The following TINCR variants were observed in gnomAD, a reference collection of about 807,000 sequenced individuals.
The protein encoded by TINCR is TINCR-encoded ubiquitin-like protein.
downstream of TINCR, chr19:5,561,880 G>A (rs1288202562): frequency 2.6e-5 from 4 of 152,254 alleles, no homozygotes; most frequent in East Asian, 1.9e-4. Flanking sequence ...GGGGCAACAC[G>A]GCTCTGGTCC....
rs2052111647 is a variant in TINCR at position 5,563,453 on chromosome 19, G to C, written c.261-504C>G. Among the ~76,000 whole-genome samples, 1 of 152,204 alleles carries C rather than the reference G, an allele frequency of 6.6e-6. No individual in the cohort carries two copies. The highest frequency in any genetic ancestry group is 2.1e-4 in the South Asian group (1 of 4,834). ...GGGGCTTGGGAGGAAGAGAGGAATA[G>C]ACTGATGTCAATAAAATCAGAATAA... On this transcript the variant is annotated intron_variant, in intron 1 of 1. Transcript: ENST00000646160. The surrounding 1 kb of genome is among the most constrained non-coding windows in gnomAD (Gnocchi z 4.7).
Position 5,563,614 on chromosome 19 carries a change from G to A in TINCR, c.261-665C>T, listed in dbSNP as rs2052112362. Among the ~76,000 whole-genome samples the A allele has an allele frequency of 6.6e-6, 1 of 151,924 alleles. No individual in the cohort carries two copies. The highest frequency in any genetic ancestry group is 2.4e-5 in the African/African-American group (1 of 41,370). On this transcript the variant is annotated intron_variant, in intron 1 of 1. Transcript: ENST00000646160. The surrounding 1 kb of genome is among the most constrained non-coding windows in gnomAD (Gnocchi z 4.7). The stretch of plus-strand genomic sequence containing the variant: ...GCCTCAGCTTCTCCACCTGTAAACC[G>A]CCAATGATAACGGCACCCGGCCAGG...
At chr19:5,559,903 A>G (rs2052092037), downstream of TINCR, 2 of 152,014 alleles carry the variant, frequency 1.3e-5, no homozygotes, top group South Asian at 4.2e-4. Context: ...GTCCCTGACA[A>G]CCTCCTTGGG....
rs1265010909 is a variant in TINCR at position 5,567,606 on chromosome 19, C to CTCTCCAGGGG, written c.260+49_260+58dup. The CTCTCCAGGGG allele has an allele frequency of 3.2e-5, 12 of 373,836 alleles. No homozygotes were observed. In the Middle Eastern group the frequency reaches 2.1e-3, roughly 65 times the overall value. The allele number at this position is 373,836 out of a possible 1,614,324, so 23.2% of individuals were successfully genotyped here. On this transcript the variant is annotated intron_variant, in intron 1 of 1. Transcript: ENST00000646160. ...CCTTGGGCGCCCGCCTCCCCCGCCG[C>CTCTCCAGGGG]TCTCCAGGGGTCCCCGGCCGCCGCC...
At position 5,563,166 on chromosome 19, in the gene TINCR, G is replaced by A. The variant is rs1434362969; in HGVS notation, c.261-217C>T. On this transcript the variant is annotated intron_variant, in intron 1 of 1. Coordinates refer to ENST00000646160, the Ensembl canonical transcript of TINCR. This position sits in a 1 kb window ranked among gnomAD's most constrained non-coding sequence, Gnocchi z 4.7. ...CAGCAGGTCATCCAGGGTCTTGCAA[G>A]CCTCAGGAAGGACTTGGGCTTTGAC... 6.6e-6 allele frequency among the ~76,000 whole-genome samples: 1 copy of A among 152,016 alleles called. No individual in the cohort carries two copies. Among genetic ancestry groups the A allele is most frequent in the East Asian group, 1.9e-4 (1 of 5,132 alleles).
At chr19:5,566,892 T>A in intron 1 of TINCR, among the ~76,000 whole-genome samples, 3 of 136,334 alleles carry the variant, frequency 2.2e-5, no homozygotes, top group Non-Finnish European at 3.2e-5. Flanking sequence ...GAGACAGAGA[T>A]GAGGGAGAAA....
chr19:5,559,774 T>C (rs2052091236), downstream of TINCR: 1 of 152,204 alleles, frequency 6.6e-6, no homozygotes. Flanking sequence ...TCCCTGAATA[T>C]GCACAGGGAA....
rs2052111064 is a variant in TINCR, at chr19:5,563,346, C to T, written c.261-397G>A. Among the ~76,000 whole-genome samples, 1 of 151,888 alleles carries T rather than the reference C, an allele frequency of 6.6e-6. No individual in the cohort carries two copies. On this transcript the variant is annotated intron_variant, in intron 1 of 1. Transcript: ENST00000646160. This position sits in a 1 kb window ranked among gnomAD's most constrained non-coding sequence, Gnocchi z 4.7. ...CGGACCTTGGTGGGGGGCAACTGGG[C>T]TGGGCCAGGGGTTGAGAAGTGGGAG...
In TINCR at chr19:5,567,233, GA is replaced by G. The variant is rs1018889143; in HGVS notation, c.260+431del. Among the ~76,000 whole-genome samples, 80 of 151,768 alleles carry G rather than the reference GA, an allele frequency of 5.3e-4. 1 individual carries two copies. Among genetic ancestry groups the G allele is most frequent in the Admixed American group, 2.4e-3 (36 of 15,224 alleles). On this transcript the variant is annotated intron_variant, in intron 1 of 1. Coordinates refer to ENST00000646160, the Ensembl canonical transcript of TINCR. ...AGAGATGAGAGAGACAAAGATGAAA[GA>G]GACAGAGATAAAAGAGAGACACAGA...
At chr19:5,558,587 C>CCTGT (rs1218930634), downstream of TINCR, 2 of 152,338 alleles carry the variant, frequency 1.3e-5, no homozygotes, top group East Asian at 3.8e-4. Context: ...AAATCAGCAG[C>CCTGT]CTGTCATTCA....
chr19:5,565,812 A>C lies in TINCR; in HGVS notation c.260+1853T>G, dbSNP rs1329537504. Among the ~76,000 whole-genome samples, 1 of 152,138 alleles carries C rather than the reference A, an allele frequency of 6.6e-6. No individual in the cohort carries two copies. Among genetic ancestry groups the C allele is most frequent in the Non-Finnish European group, 1.5e-5 (1 of 68,008 alleles). On this transcript the variant is annotated intron_variant, in intron 1 of 1. Coordinates refer to ENST00000646160, the Ensembl canonical transcript of TINCR. This position sits in a 1 kb window ranked among gnomAD's most constrained non-coding sequence, Gnocchi z 4.0. ...GACTCAAGCCTCTAGAGGGCTGGTGAATGTGACCCCCATAAAATCCAGGGT... is the reference window on the plus strand; with the variant it reads ...GACTCAAGCCTCTAGAGGGCTGGTGCATGTGACCCCCATAAAATCCAGGGT...
chr19:5,565,401 C>T lies in TINCR; in HGVS notation c.260+2264G>A, dbSNP rs185519650. Among the ~76,000 whole-genome samples the T allele has an allele frequency of 3.9e-5, 6 of 152,306 alleles. No homozygotes were observed. The East Asian group carries it at 9.7e-4, about 25-fold the overall frequency. ...AGCGCCAATTGCGAGTTGACATTCT[C>T]CTGTGCTATTATTTGGCTCTAGGCT... On this transcript the variant is annotated intron_variant, in intron 1 of 1. Transcript: ENST00000646160. This position sits in a 1 kb window ranked among gnomAD's most constrained non-coding sequence, Gnocchi z 4.0.
At chr19:5,567,623 G>GCCCCCCCCCCCCCCCCCC in intron 1 of TINCR, 42 bp downstream of exon 1, 1 of 328,352 alleles carries the variant, frequency 3.0e-6, no homozygotes, top group Middle Eastern at 8.5e-4. Flanking sequence ...GGGGTCCCCG[G>GCCCCCCCCCCCCCCCCCC]CCGCCGCCCC....
At chr19:5,564,325 C>T (rs948331869) in intron 1 of TINCR, among the ~76,000 whole-genome samples, 4 of 152,240 alleles carry the variant, frequency 2.6e-5, no homozygotes, top group Non-Finnish European at 4.4e-5. Context: ...GCACCATCCA[C>T]TAGTAGCCCC....
At chr19:5,561,271 C>A (rs1030069667), downstream of TINCR, 2 of 153,962 alleles carry the variant, frequency 1.3e-5, no homozygotes, top group Admixed American at 1.3e-4. Context: ...GGCTCCCTCC[C>A]GATAGGCTGG....
intron 1 of TINCR, 98 bp downstream of exon 1, chr19:5,567,567 G>C (rs564003226): frequency 2.7e-5 from 10 of 372,738 alleles, no homozygotes; most frequent in Non-Finnish European, 4.3e-5. Flanking sequence ...AAGCAGTGCC[G>C]GCCCGGGAGG....
chr19:5,561,929 G>A (rs372628867), downstream of TINCR, among the ~76,000 whole-genome samples: 7 of 152,282 alleles, frequency 4.6e-5, no homozygotes, highest in African/African-American at 1.7e-4. Context: ...CCAAGGCCAT[G>A]TCCCTACCCT....
chr19:5,564,000 G>C lies in TINCR; in HGVS notation c.261-1051C>G, dbSNP rs2052114927. Among the ~76,000 whole-genome samples, 1 of 152,184 alleles carries C rather than the reference G, an allele frequency of 6.6e-6. No individual in the cohort carries two copies. Among genetic ancestry groups the C allele is most frequent in the South Asian group, 2.1e-4 (1 of 4,832 alleles). ...CGTGAAAAGCCCCTAGCATCTCAAA[G>C]GCTCTCAAAGCATGACCATGACTCA... On this transcript the variant is annotated intron_variant, in intron 1 of 1. Transcript: ENST00000646160. The surrounding 1 kb of genome is among the most constrained non-coding windows in gnomAD (Gnocchi z 4.7).
At chr19:5,567,629 G>GCCCCCCCCCCCCCCCCCCCCCCC in intron 1 of TINCR, 36 bp downstream of exon 1, 1 of 181,984 alleles carries the variant, frequency 5.5e-6, no homozygotes, top group Non-Finnish European at 1.1e-5. Context: ...CCCGGCCGCC[G>GCCCCCCCCCCCCCCCCCCCCCCC]CCCCCGCCCC....
Sources: gnomAD v4.1 joint callset for allele counts (sites outside exome capture counted in the v4.1 genomes callset) on GRCh38, gnomAD v4.1.1 for gene constraint, Gnocchi (gnomAD v3.1) non-coding constraint, MANE v1.5 for transcripts, NCBI Gene and HGNC (gene_info 2026-07-23, HGNC 2026-07-21) for gene names.